Variants in NECAB1 observed in about 807,000 individuals in gnomAD.
NECAB1 encodes N-terminal EF-hand calcium binding protein 1, also known as N-terminal EF-hand calcium-binding protein 1.
A neutral mutation model predicts 57.5 loss-of-function variants in NECAB1; 29 were observed. That is an observed-to-expected ratio of 0.50 (90% CI 0.38 to 0.69). The LOEUF is 0.69. Among genes scored for constraint, NECAB1 ranks in the 30% least tolerant of loss-of-function variants. NECAB1 has a pLI of 0.00. For missense variants in NECAB1, 372 were observed against 413.8 expected, an observed-to-expected ratio of 0.90 and a Z score of 0.88; for synonymous variants, 142 against 147.7, an observed-to-expected ratio of 0.96 and a Z score of 0.28.
intron 5 of NECAB1, among the ~76,000 whole-genome samples, chr8:90,891,285 C>T (rs1809159598): frequency 6.6e-6 from 1 of 152,134 alleles, no homozygotes; most frequent in South Asian, 2.1e-4. Flanking sequence ...AAGTTGGTCA[C>T]ATGAGGGTCA....
At chr8:90,907,200 T>G (rs973602082) in intron 5 of NECAB1, among the ~76,000 whole-genome samples, 1 of 136,408 alleles carries the variant, frequency 7.3e-6, no homozygotes, top group African/African-American at 2.8e-5. Context: ...ATTAGTAGAC[T>G]GCATTGTTTT....
intron 8 of NECAB1, among the ~76,000 whole-genome samples, 188 bp downstream of exon 8, chr8:90,928,487 T>C (rs1390903753): frequency 3.3e-5 from 5 of 152,180 alleles, no homozygotes; most frequent in African/African-American, 1.2e-4. Flanking sequence ...GAAGCTTACA[T>C]TAATTCTCCC....
intron 2 of NECAB1, chr8:90,813,209 A>T (rs1811995153): frequency 6.9e-6 from 1 of 144,874 alleles, no homozygotes; most frequent in African/African-American, 2.6e-5. Context: ...TAAATTAAAT[A>T]AATAAATATA....
At chr8:90,914,006 G>A (rs990261826) in intron 5 of NECAB1, among the ~76,000 whole-genome samples, 49 of 152,212 alleles carry the variant, frequency 3.2e-4, no homozygotes, top group Non-Finnish European at 1.2e-4. Flanking sequence ...GATGCAGGGG[G>A]AGGCAGGTGG....
chr8:90,869,603 TGCGTGGGACCTGTA>T (rs1808585200), intron 3 of NECAB1, among the ~76,000 whole-genome samples: 1 of 152,216 alleles, frequency 6.6e-6, no homozygotes, highest in African/African-American at 2.4e-5. Flanking sequence ...AGTTCAAACT[TGCGTGGGACCTGTA>T]GCCCTTTTTG....
chr8:90,813,758 G>A (rs67598876), intron 2 of NECAB1, among the ~76,000 whole-genome samples: 60,109 of 151,808 alleles, frequency 0.4, 13,009 homozygotes, highest in East Asian at 0.81. Flanking sequence ...CAAACTCCTG[G>A]CCTCAAGTGA....
chr8:90,954,715 AC>A (rs967240564), intron 12 of NECAB1, among the ~76,000 whole-genome samples: 20 of 151,452 alleles, frequency 1.3e-4, no homozygotes, highest in Non-Finnish European at 2.9e-4. Flanking sequence ...ACTTGCTTAT[AC>A]CCAATATTTA....
At chr8:90,855,108 T>A (rs1812769589) in intron 3 of NECAB1, among the ~76,000 whole-genome samples, 1 of 152,176 alleles carries the variant, frequency 6.6e-6, no homozygotes, top group South Asian at 2.1e-4. Flanking sequence ...GGTCACTGTA[T>A]CTTGGGCAGA....
intron 2 of NECAB1, among the ~76,000 whole-genome samples, chr8:90,822,848 GTTTTTTC>G (rs1812165582): frequency 6.8e-6 from 1 of 147,710 alleles, no homozygotes; most frequent in African/African-American, 2.6e-5. Flanking sequence ...GTCGATTTCT[GTTTTTTC>G]TTTTTTCTTT....
At chr8:90,954,433 T>C (rs1449663469) in intron 12 of NECAB1, among the ~76,000 whole-genome samples, 2 of 151,892 alleles carry the variant, frequency 1.3e-5, no homozygotes, top group Admixed American at 6.6e-5. Context: ...AAGGAGTATA[T>C]AAACTTGGTC....
At chr8:90,798,578 C>T (rs1386336254) in intron 1 of NECAB1, among the ~76,000 whole-genome samples, 1 of 152,198 alleles carries the variant, frequency 6.6e-6, no homozygotes, top group Non-Finnish European at 1.5e-5. Context: ...CATTAATTCA[C>T]TCAGGATAAT....
At chr8:90,889,802 T>C (rs1270439726) in intron 5 of NECAB1, among the ~76,000 whole-genome samples, 1 of 152,242 alleles carries the variant, frequency 6.6e-6, no homozygotes, top group Non-Finnish European at 1.5e-5. Context: ...CCCAGCACTT[T>C]GGGAGGCCTA....
intron 3 of NECAB1, among the ~76,000 whole-genome samples, chr8:90,860,242 T>TTC (rs1485657050): frequency 1.3e-5 from 2 of 150,858 alleles, no homozygotes; most frequent in African/African-American, 4.9e-5. Flanking sequence ...TTTTTTCTTT[T>TTC]TTTTTTTTTT....
At position 90,925,561 on chromosome 8, in the gene NECAB1, T is replaced by C. The variant is rs1810243824; in HGVS notation, c.521T>C (p.Leu174Pro). ...CAAGGGCCAGCCAAGCCAGAAGTCC[T>C]GTCGATTCAATGGCCTGGAAAACGA... is the stretch of plus-strand genomic sequence containing the variant. ...ERQGPAKPEVLSIQWPGKRSS... is the reference protein window; with the variant it reads ...ERQGPAKPEVPSIQWPGKRSS... Residue 174 changes from leucine to proline, a missense_variant, in exon 7 of 13, where the codon CTG (leucine) becomes CCG (proline). By Grantham distance (98) the Leu-to-Pro change is moderately conservative. Coordinates refer to ENST00000417640, the MANE Select transcript of NECAB1 (RefSeq NM_022351.5). 1 of 1,613,154 alleles carries C rather than the reference T, an allele frequency of 6.2e-7. No homozygotes were observed. The highest frequency in any genetic ancestry group is 8.5e-7 in the Non-Finnish European group (1 of 1,179,580).
chr8:90,917,285 C>T (rs1468577804), intron 5 of NECAB1, among the ~76,000 whole-genome samples: 2 of 152,038 alleles, frequency 1.3e-5, no homozygotes, highest in Admixed American at 1.3e-4. Flanking sequence ...ATATTCCAGT[C>T]ATTTCTGCAG....
chr8:90,898,661 T>C (rs6997300), intron 5 of NECAB1, among the ~76,000 whole-genome samples: 1,525 of 152,332 alleles, frequency 0.01, 24 homozygotes, highest in African/African-American at 0.034. Flanking sequence ...CTTTTCACAC[T>C]TAATTCAGTG....
intron 5 of NECAB1, among the ~76,000 whole-genome samples, chr8:90,884,730 G>A (rs1808930733): frequency 6.6e-6 from 1 of 152,116 alleles, no homozygotes; most frequent in Non-Finnish European, 1.5e-5. Context: ...CCGTTTATTT[G>A]ACATCTTCTT....
At chr8:90,840,292 C>A (rs1728922116) in intron 3 of NECAB1, among the ~76,000 whole-genome samples, 2 of 152,164 alleles carry the variant, frequency 1.3e-5, no homozygotes, top group African/African-American at 4.8e-5. Flanking sequence ...TTACCATGTG[C>A]CAGACCTAAG....
chr8:90,949,594 AC>A (rs1586152120), intron 10 of NECAB1, among the ~76,000 whole-genome samples: 2 of 152,212 alleles, frequency 1.3e-5, no homozygotes, highest in African/African-American at 2.4e-5. Flanking sequence ...AACTAAAAAA[AC>A]AAACAAATAA....
Sources: allele counts gnomAD v4.1 joint callset (sites outside exome capture counted in the v4.1 genomes callset), GRCh38; gene constraint gnomAD v4.1.1; transcripts MANE v1.5; gene names NCBI Gene and HGNC (gene_info 2026-07-23, HGNC 2026-07-21).